MYT1L: variants seen among roughly 807,000 people sequenced by gnomAD.
The protein encoded by MYT1L is myelin transcription factor 1 like.
In MYT1L, 12 loss-of-function variants were observed where a neutral mutation model predicts 126.7. The ratio of observed to expected loss-of-function variants is 0.09; its 90% CI spans 0.06 to 0.15. The LOEUF is 0.15. Ranked by LOEUF, MYT1L falls within the 10% of genes least tolerant of loss-of-function variation. MYT1L has a pLI of 1.00. For synonymous variants in MYT1L, 541 were observed against 604.2 expected (o/e 0.90, Z 1.53); for missense variants, 979 against 1,585.2 (o/e 0.62, Z 6.49).
At position 1,858,008 on chromosome 2, in the gene MYT1L, A is replaced by G. The variant is rs542656923; in HGVS notation, c.2712-6305T>C. On this transcript the variant is annotated intron_variant, in intron 18 of 24. Transcript: ENST00000647738. ...CTTCCCAGCAGCTGGGATTACGGGC[A>G]TGCACCACCATACCCAGCTAATCTT... 8.5e-5 allele frequency among the ~76,000 whole-genome samples: 13 copies of G among 152,212 alleles called. No individual in the cohort carries two copies. The East Asian group carries it at 2.3e-3, about 27-fold the overall frequency.
At chr2:2,095,253 A>T (rs1458893679) in intron 3 of MYT1L, among the ~76,000 whole-genome samples, 2 of 152,224 alleles carry the variant, frequency 1.3e-5, no homozygotes, top group African/African-American at 4.8e-5. Flanking sequence ...TGCAGACAAC[A>T]GAGAGGACAG....
intron 8 of MYT1L, among the ~76,000 whole-genome samples, chr2:1,958,874 C>A (rs1478958882): frequency 2.0e-5 from 3 of 152,188 alleles, no homozygotes; most frequent in Non-Finnish European, 4.4e-5. Context: ...GCTCAGCCGG[C>A]CCACCCGACT....
In MYT1L at chr2:1,862,623, G is replaced by C. The variant is rs562900136; in HGVS notation, c.2712-10920C>G. ...TAGGAAAGAAAATAAAATGTATCTA[G>C]ACTTCTGTGTCAGGAAGTAGCCATC... On this transcript the variant is annotated intron_variant, in intron 18 of 24. Transcript: ENST00000647738. 2.6e-5 allele frequency among the ~76,000 whole-genome samples: 4 copies of C among 152,296 alleles called. No individual in the cohort carries two copies. The East Asian group carries it at 7.7e-4, about 29-fold the overall frequency.
At chr2:1,933,434 AGTT>A (rs1220891548) in intron 9 of MYT1L, among the ~76,000 whole-genome samples, 15 of 152,230 alleles carry the variant, frequency 9.9e-5, no homozygotes, top group Admixed American at 2.6e-4. Flanking sequence ...CTTGGCTTCA[AGTT>A]GTTAATGTCG....
At chr2:1,844,797 G>A (rs895489355) in intron 19 of MYT1L, among the ~76,000 whole-genome samples, 18 of 152,096 alleles carry the variant, frequency 1.2e-4, no homozygotes, top group African/African-American at 4.3e-4. Flanking sequence ...CTAACAAAAA[G>A]TCGCTCCCCC....
intron 3 of MYT1L, among the ~76,000 whole-genome samples, chr2:2,072,647 C>T (rs1418296882): frequency 6.6e-6 from 1 of 152,218 alleles, no homozygotes; most frequent in African/African-American, 2.4e-5. Context: ...AATTGTAATC[C>T]CCAGGAGTTG....
At chr2:1,842,819 C>T (rs1190083934) in intron 19 of MYT1L, 3 of 156,968 alleles carry the variant, frequency 1.9e-5, no homozygotes, top group Non-Finnish European at 4.2e-5. Flanking sequence ...GTTTTGCTTC[C>T]CTCAGGTTCC....
chr2:2,184,836 C>T (rs2091945036), intron 2 of MYT1L, among the ~76,000 whole-genome samples: 1 of 152,148 alleles, frequency 6.6e-6, no homozygotes, highest in South Asian at 2.1e-4. Flanking sequence ...TTGGGGTTGG[C>T]TTGAGGTTTC....
chr2:2,106,125 T>C (rs2078724416), intron 3 of MYT1L, among the ~76,000 whole-genome samples: 1 of 152,146 alleles, frequency 6.6e-6, no homozygotes, highest in Non-Finnish European at 1.5e-5. Flanking sequence ...GGAATGTGGC[T>C]CACCCGGGAT....
intron 13 of MYT1L, among the ~76,000 whole-genome samples, chr2:1,908,738 A>G (rs184627738): frequency 1.5e-4 from 23 of 152,230 alleles, no homozygotes; most frequent in African/African-American, 5.5e-4. Flanking sequence ...AGGGTGGCCT[A>G]TGAGTTGTTC....
rs191953845 is a variant in MYT1L at position 1,898,052 on chromosome 2, C to G, written c.2032+5028G>C. Among the ~76,000 whole-genome samples, 241 of 152,260 alleles carry G rather than the reference C, an allele frequency of 1.6e-3. 1 individual carries two copies. Among genetic ancestry groups the G allele is most frequent in the African/African-American group, 5.6e-3 (231 of 41,560 alleles). On this transcript the variant is annotated intron_variant, in intron 14 of 24. Coordinates refer to ENST00000647738, the MANE Select transcript of MYT1L (RefSeq NM_001303052.2). Reference sequence around the variant, plus strand: ...TAATAATAAACAAAACAAAAAAATACAAAACCTTCCAGGTAGGACCTTTTC... The same window carrying G: ...TAATAATAAACAAAACAAAAAAATAGAAAACCTTCCAGGTAGGACCTTTTC...
Position 1,915,584 on chromosome 2 carries a change from A to G in MYT1L, c.1618+1621T>C, listed in dbSNP as rs148464591. On this transcript the variant is annotated intron_variant, in intron 11 of 24. Transcript: ENST00000647738. ...AAACTCTTTCTTCTTAAAACACTAG[A>G]GCTTGGTCCTCCTGCCTCACTTTGC... is the stretch of plus-strand genomic sequence containing the variant. 1.4e-3 allele frequency among the ~76,000 whole-genome samples: 215 copies of G among 152,286 alleles called. 1 individual carries two copies. The highest frequency in any genetic ancestry group is 4.9e-3 in the African/African-American group (203 of 41,552).
chr2:2,051,819 T>C (rs889689655), intron 4 of MYT1L, among the ~76,000 whole-genome samples: 2 of 152,174 alleles, frequency 1.3e-5, no homozygotes, highest in Admixed American at 1.3e-4. Context: ...AAATTGCATA[T>C]AGAAATTCAT....
At chr2:1,871,565 T>C (rs1438851957) in intron 18 of MYT1L, among the ~76,000 whole-genome samples, 1 of 152,162 alleles carries the variant, frequency 6.6e-6, no homozygotes, top group Non-Finnish European at 1.5e-5. Context: ...AAAGTTGAAT[T>C]GACTTGCAGA....
chr2:2,322,805 T>C (rs2096192018), intron 1 of MYT1L, among the ~76,000 whole-genome samples: 1 of 152,180 alleles, frequency 6.6e-6, no homozygotes, highest in Non-Finnish European at 1.5e-5. Context: ...GGTTCAACTC[T>C]AAAATGAAAT....
At chr2:2,183,865 AAGG>A (rs773183591) in intron 2 of MYT1L, among the ~76,000 whole-genome samples, 2 of 145,078 alleles carry the variant, frequency 1.4e-5, no homozygotes, top group Non-Finnish European at 3.0e-5. Flanking sequence ...GGGAAGGAAA[AAGG>A]AAGGAAGGAA....
intron 3 of MYT1L, among the ~76,000 whole-genome samples, chr2:2,096,309 G>A (rs1014663701): frequency 1.1e-4 from 16 of 152,176 alleles, no homozygotes; most frequent in Non-Finnish European, 2.2e-4. Context: ...ACAGCTGTGG[G>A]GGCCACTGTG....
At chr2:2,065,823 T>TAC (rs71824780) in intron 3 of MYT1L, among the ~76,000 whole-genome samples, 17,398 of 144,746 alleles carry the variant, frequency 0.12, 995 homozygotes, top group South Asian at 0.16. Flanking sequence ...CTCTCTTTTA[T>TAC]ACACACACAC....
At chr2:2,198,926 A>G (rs567247273) in intron 2 of MYT1L, among the ~76,000 whole-genome samples, 1 of 152,214 alleles carries the variant, frequency 6.6e-6, no homozygotes, top group South Asian at 2.1e-4. Context: ...TACTGTGTAT[A>G]TATGCATTGA....
Sources: allele counts gnomAD v4.1 joint callset (sites outside exome capture counted in the v4.1 genomes callset), GRCh38; gene constraint gnomAD v4.1.1; transcripts MANE v1.5; gene names NCBI Gene and HGNC (gene_info 2026-07-23, HGNC 2026-07-21).